The following FBXL13 variants were observed in gnomAD, a reference collection of about 807,000 sequenced individuals.
FBXL13 encodes the protein F-box and leucine rich repeat protein 13.
In FBXL13, 67 loss-of-function variants were observed where a neutral mutation model predicts 83.6. The observed-to-expected ratio is 0.80, with a 90% confidence interval of 0.66 to 0.98. The LOEUF is 0.98. FBXL13 is among the 50% of genes least tolerant of loss of function. FBXL13 has a pLI of 0.00. For synonymous variants in FBXL13, 272 were observed against 299.5 expected (o/e 0.91, Z 0.95); for missense variants, 822 against 866.5 (o/e 0.95, Z 0.64).
intron 7 of FBXL13, among the ~76,000 whole-genome samples, chr7:102,964,536 G>A (rs1825774573): frequency 1.3e-5 from 2 of 151,442 alleles, no homozygotes; most frequent in Admixed American, 1.3e-4. Flanking sequence ...CCAAGTAGCT[G>A]GAATTATAGG....
At chr7:102,965,443 T>C (rs1825872393) in intron 7 of FBXL13, among the ~76,000 whole-genome samples, 1 of 152,204 alleles carries the variant, frequency 6.6e-6, no homozygotes, top group Non-Finnish European at 1.5e-5. Flanking sequence ...ATTCAATAAA[T>C]ATTAGCTACT....
At chr7:102,971,768 G>A (rs533524138) in intron 6 of FBXL13, among the ~76,000 whole-genome samples, 3 of 152,162 alleles carry the variant, frequency 2.0e-5, no homozygotes, top group East Asian at 1.9e-4. Context: ...GCTCATGCCC[G>A]TAATCCCAGC....
Position 102,920,400 on chromosome 7 carries a change from C to T in FBXL13, c.878+5874G>A, listed in dbSNP as rs181099741. Among the ~76,000 whole-genome samples the T allele has an allele frequency of 6.6e-5, 10 of 151,718 alleles. No individual in the cohort carries two copies. The East Asian group carries it at 1.8e-3, about 27-fold the overall frequency. ...TTTTTTTTCTTGAGACAGGGTCTTA[C>T]TCTGTCACAGCACAATCATGACTCA... is the stretch of plus-strand genomic sequence containing the variant. On this transcript the variant is annotated intron_variant, in intron 10 of 19. Coordinates refer to ENST00000313221, the Ensembl canonical transcript of FBXL13.
At chr7:102,882,744 A>C (rs1426402584) in intron 14 of FBXL13, among the ~76,000 whole-genome samples, 1 of 151,294 alleles carries the variant, frequency 6.6e-6, no homozygotes, top group Non-Finnish European at 1.5e-5. Flanking sequence ...CCTGGGCAAC[A>C]GAGCGAGACT....
chr7:102,863,391 T>C (rs1281622932), intron 16 of FBXL13, among the ~76,000 whole-genome samples: 2 of 152,052 alleles, frequency 1.3e-5, no homozygotes, highest in African/African-American at 4.8e-5. Context: ...GTATAGATCA[T>C]GGGAAATCTA....
At chr7:102,967,983 A>T (rs776719442) in intron 7 of FBXL13, 39 bp downstream of exon 8, 1 of 1,474,328 alleles carries the variant, frequency 6.8e-7, no homozygotes, top group South Asian at 1.1e-5. Flanking sequence ...CTCCTTTAAG[A>T]ACTAGTGTAA....
intron 6 of FBXL13, among the ~76,000 whole-genome samples, chr7:103,018,594 G>A (rs151130054): frequency 0.011 from 1,673 of 152,126 alleles, 35 homozygotes; most frequent in African/African-American, 0.039. Flanking sequence ...ACATGCAGAG[G>A]CACACATAGG....
At position 102,984,863 on chromosome 7, in the gene FBXL13, T is replaced by C. The variant is rs189270255; in HGVS notation, c.496-16746A>G. 1.6e-3 allele frequency among the ~76,000 whole-genome samples: 250 copies of C among 152,318 alleles called. 2 individuals carry two copies. The highest frequency in any genetic ancestry group is 1.5e-3 in the Non-Finnish European group (101 of 68,022). ...CTTAAATAAAGGATGCCCAATTAAA[T>C]TTGTATTTCTGATAAAGAACAAATA... On this transcript the variant is annotated intron_variant, in intron 6 of 19. Coordinates refer to ENST00000313221, the Ensembl canonical transcript of FBXL13.
intron 17 of FBXL13, among the ~76,000 whole-genome samples, chr7:102,849,449 G>C (rs1237377489): frequency 6.6e-6 from 1 of 152,064 alleles, no homozygotes; most frequent in East Asian, 1.9e-4. Context: ...AACCTAACCA[G>C]GGTAAAAAAT....
chr7:102,962,302 G>C (rs1239533410), intron 8 of FBXL13, among the ~76,000 whole-genome samples: 1 of 152,158 alleles, frequency 6.6e-6, no homozygotes, highest in African/African-American at 2.4e-5. Flanking sequence ...TCTCACACTA[G>C]TTAGAATGGC....
rs572939965 is a variant in FBXL13, at chr7:102,860,149, A to G, written c.1636-5289T>C. 2.0e-4 allele frequency among the ~76,000 whole-genome samples: 31 copies of G among 152,302 alleles called. No individual in the cohort carries two copies. The East Asian group carries it at 5.6e-3, about 27-fold the overall frequency. On this transcript the variant is annotated intron_variant, in intron 16 of 19. Coordinates refer to ENST00000313221, the Ensembl canonical transcript of FBXL13. ...TTCTAAGGAATCTGGACTTCATCCT[A>G]TGCAACAGAATTAAATAGAACTTTC...
At chr7:102,832,382 T>C (rs1800856786) in intron 18 of FBXL13, among the ~76,000 whole-genome samples, 1 of 152,216 alleles carries the variant, frequency 6.6e-6, no homozygotes, top group African/African-American at 2.4e-5. Flanking sequence ...AAGTTATATG[T>C]TGTTATATTT....
intron 14 of FBXL13, among the ~76,000 whole-genome samples, chr7:102,879,985 C>T (rs1227395144): frequency 1.3e-5 from 2 of 152,204 alleles, no homozygotes; most frequent in Admixed American, 6.5e-5. Context: ...GGATTACAGG[C>T]GTGAGCCACC....
chr7:102,874,249 A>G, intron 16 of FBXL13: 1 of 684,694 alleles, frequency 1.5e-6, no homozygotes, highest in Non-Finnish European at 1.8e-6. Flanking sequence ...ACTCAGACCT[A>G]TAATCAATCA....
At chr7:102,948,248 G>A (rs1740149485) in intron 8 of FBXL13, among the ~76,000 whole-genome samples, 1 of 151,362 alleles carries the variant, frequency 6.6e-6, no homozygotes, top group Non-Finnish European at 1.5e-5. Flanking sequence ...ATTTTTAGTA[G>A]AGACAGAGTT....
intron 8 of FBXL13, chr7:102,942,352 C>A (rs1310099531): frequency 1.3e-6 from 2 of 1,556,500 alleles, no homozygotes; most frequent in Non-Finnish European, 1.7e-6. Flanking sequence ...GGTAAGTATA[C>A]AAATGCAGTG....
chr7:102,844,737 A>G (rs1288876657), intron 17 of FBXL13, among the ~76,000 whole-genome samples: 1 of 152,316 alleles, frequency 6.6e-6, no homozygotes, highest in Admixed American at 6.5e-5. Context: ...GAGTTAGCAC[A>G]GACCCCACAG....
intron 10 of FBXL13, among the ~76,000 whole-genome samples, chr7:102,925,798 A>C (rs1818001463): frequency 6.6e-6 from 1 of 151,888 alleles, no homozygotes; most frequent in Admixed American, 6.6e-5. Context: ...AAAAATAGCC[A>C]GGCGTGGTGG....
intron 18 of FBXL13, among the ~76,000 whole-genome samples, chr7:102,825,856 A>C (rs772895831): frequency 6.6e-6 from 1 of 152,180 alleles, no homozygotes; most frequent in Admixed American, 6.5e-5. Context: ...CTCTGGCACT[A>C]TTTAATTGTG....
Sources: allele counts gnomAD v4.1 joint callset (sites outside exome capture counted in the v4.1 genomes callset), GRCh38; gene constraint gnomAD v4.1.1; transcripts MANE v1.5; gene names NCBI Gene and HGNC (gene_info 2026-07-23, HGNC 2026-07-21).